The following TRIO variants were observed in gnomAD, a reference collection of about 807,000 sequenced individuals.
TRIO encodes triple functional domain protein.
A neutral mutation model predicts 351.9 loss-of-function variants in TRIO; 58 were observed. That is an observed-to-expected ratio of 0.16 (90% CI 0.13 to 0.21). The LOEUF (loss-of-function observed/expected upper bound fraction) is 0.21, where lower values mean the gene tolerates loss of function less well. Ranked by LOEUF, TRIO falls within the 10% of genes least tolerant of loss-of-function variation. The pLI is 1.00. For synonymous variants in TRIO, 1,758 were observed against 1,595.7 expected, an observed-to-expected ratio of 1.10 and a Z score of -2.42; for missense variants, 3,201 against 4,027.8, an observed-to-expected ratio of 0.79 and a Z score of 5.56.
At chr5:14,259,502 G>A (rs1255632862) in intron 1 of TRIO, among the ~76,000 whole-genome samples, 1 of 152,170 alleles carries the variant, frequency 6.6e-6, no homozygotes, top group Admixed American at 6.5e-5. Flanking sequence ...AATTCAGTAG[G>A]AGGGTAAATA....
At chr5:14,316,042 C>T (rs1739354483) in intron 8 of TRIO, among the ~76,000 whole-genome samples, 2 of 152,140 alleles carry the variant, frequency 1.3e-5, no homozygotes, top group South Asian at 4.1e-4. Flanking sequence ...TTTGTTTTAA[C>T]TGAGGCTTTA....
chr5:14,304,373 C>A, intron 7 of TRIO, 88 bp from the exon 8 acceptor site: 2 of 1,360,586 alleles, frequency 1.5e-6, no homozygotes, highest in Non-Finnish European at 1.0e-6. Flanking sequence ...TCCCTCAAGT[C>A]CCCTAATTTT....
At chr5:14,233,051 G>A (rs1007677150) in intron 1 of TRIO, among the ~76,000 whole-genome samples, 6 of 152,138 alleles carry the variant, frequency 3.9e-5, no homozygotes, top group Non-Finnish European at 7.4e-5. Context: ...GAGTGATTGT[G>A]CATCAACATG....
At chr5:14,256,028 T>C (rs1795002878) in intron 1 of TRIO, among the ~76,000 whole-genome samples, 1 of 152,226 alleles carries the variant, frequency 6.6e-6, no homozygotes, top group African/African-American at 2.4e-5. Flanking sequence ...CTTTTGTTGC[T>C]ATAAAGAAAT....
At chr5:14,507,302 CCGG>C in intron 56 of TRIO, 42 bp downstream of exon 56, 1 of 1,605,112 alleles carries the variant, frequency 6.2e-7, no homozygotes, top group Non-Finnish European at 8.5e-7. Context: ...TCTGAGCACA[CCGG>C]CTTGGCCATG....
intron 1 of TRIO, among the ~76,000 whole-genome samples, chr5:14,268,252 A>C (rs559058811): frequency 2.6e-5 from 4 of 152,340 alleles, no homozygotes; most frequent in Non-Finnish European, 5.9e-5. Context: ...TCAATATGCT[A>C]TTCCTCCTGT....
At chr5:14,488,775 A>G (rs1756243667) in intron 48 of TRIO, 3 of 594,916 alleles carry the variant, frequency 5.0e-6, no homozygotes, top group African/African-American at 1.9e-5. Flanking sequence ...GCAAACTAAG[A>G]TGAAAAAATG....
At chr5:14,492,956 C>A in intron 49 of TRIO, 142 bp downstream of exon 49, 1 of 1,320,008 alleles carries the variant, frequency 7.6e-7, no homozygotes, top group Non-Finnish European at 1.0e-6. Flanking sequence ...GCTCTGAGCA[C>A]GTGGGAAGAT....
chr5:14,408,987 C>T (rs1326981722), intron 33 of TRIO, among the ~76,000 whole-genome samples: 2 of 151,916 alleles, frequency 1.3e-5, no homozygotes, highest in South Asian at 4.1e-4. Context: ...AACTTGTTTC[C>T]TCGGGTAGTT....
chr5:14,156,098 A>T (rs1417129706), intron 1 of TRIO, among the ~76,000 whole-genome samples: 1 of 152,064 alleles, frequency 6.6e-6, no homozygotes. Context: ...GCTGTCACTT[A>T]GTTTGATGCT....
intron 4 of TRIO, among the ~76,000 whole-genome samples, chr5:14,288,344 C>T (rs528129928): frequency 1.7e-4 from 26 of 152,270 alleles, no homozygotes; most frequent in African/African-American, 6.0e-4. Context: ...TCTCTCTCCC[C>T]ACCCAGTGAT....
At chr5:14,189,184 A>C (rs988375252) in intron 1 of TRIO, among the ~76,000 whole-genome samples, 2 of 152,146 alleles carry the variant, frequency 1.3e-5, no homozygotes, top group African/African-American at 4.8e-5. Context: ...AAATGTATCT[A>C]TATGTTATCC....
intron 32 of TRIO, chr5:14,406,217 T>C: frequency 1.5e-6 from 1 of 673,540 alleles, no homozygotes; most frequent in South Asian, 2.0e-5. Flanking sequence ...CCTCTCATTG[T>C]TTTGCCTTTC....
chr5:14,491,444 G>A (rs183629682), intron 48 of TRIO, among the ~76,000 whole-genome samples: 2 of 152,308 alleles, frequency 1.3e-5, no homozygotes, highest in East Asian at 1.9e-4. Context: ...TCACGGGAAC[G>A]AGGCACCAGA....
At chr5:14,304,695 T>C in intron 8 of TRIO, 103 bp downstream of exon 8, 3 of 1,364,488 alleles carry the variant, frequency 2.2e-6, no homozygotes, top group Middle Eastern at 1.9e-4. Flanking sequence ...AGAAAAAGTT[T>C]ATAGATTTCG....
chr5:14,297,300 C>G, intron 7 of TRIO, 37 bp downstream of exon 7: 3 of 1,590,600 alleles, frequency 1.9e-6, no homozygotes, highest in Non-Finnish European at 2.6e-6. Flanking sequence ...GAGGTGGTAA[C>G]CAGAATAGTT....
intron 21 of TRIO, among the ~76,000 whole-genome samples, chr5:14,387,082 C>A (rs191284673): frequency 1.3e-5 from 2 of 152,338 alleles, no homozygotes; most frequent in South Asian, 2.1e-4. Flanking sequence ...CTTTGCTCAG[C>A]GGCTTTGAGG....
chr5:14,226,205 C>T lies in TRIO; in HGVS notation c.158-44620C>T, dbSNP rs535975520. Among the ~76,000 whole-genome samples the T allele has an allele frequency of 8.5e-5, 13 of 152,308 alleles. No individual in the cohort carries two copies. The South Asian group carries it at 2.7e-3, about 32-fold the overall frequency. ...TTCATGGGACCAGCATGGAAGATTC[C>T]AGTCCTCCCACTTAGGTTATTTGAT... On this transcript the variant is annotated intron_variant, in intron 1 of 56. Coordinates refer to ENST00000344204, the MANE Select transcript of TRIO (RefSeq NM_007118.4).
At chr5:14,444,226 T>C (rs1752276303) in intron 34 of TRIO, among the ~76,000 whole-genome samples, 1 of 152,212 alleles carries the variant, frequency 6.6e-6, no homozygotes, top group East Asian at 1.9e-4. Flanking sequence ...AATATGAACC[T>C]ATTCTGAAAG....
Sources: allele counts gnomAD v4.1 joint callset (sites outside exome capture counted in the v4.1 genomes callset), GRCh38; gene constraint gnomAD v4.1.1; transcripts MANE v1.5; gene names NCBI Gene and HGNC (gene_info 2026-07-23, HGNC 2026-07-21).